NIPAL2: variants seen among roughly 807,000 people sequenced by gnomAD.
NIPAL2 encodes the protein NIPA like domain containing 2.
Under a neutral mutation model 48.9 loss-of-function variants are expected in NIPAL2, and 43 were observed. The ratio of observed to expected loss-of-function variants is 0.88; its 90% CI spans 0.69 to 1.13. The LOEUF is 1.13. NIPAL2 is among the 50% of genes most tolerant of loss of function. The pLI is 0.00. For missense variants in NIPAL2, 446 were observed against 461.4 expected, an observed-to-expected ratio of 0.97 and a Z score of 0.31; for synonymous variants, 167 against 174.6, an observed-to-expected ratio of 0.96 and a Z score of 0.34.
At chr8:98,224,241 C>T (rs1812039241) in intron 4 of NIPAL2, among the ~76,000 whole-genome samples, 1 of 152,186 alleles carries the variant, frequency 6.6e-6, no homozygotes, top group Non-Finnish European at 1.5e-5. Context: ...CCTGGTGGTT[C>T]ACTAGTTTTC....
rs745761979 is a variant in NIPAL2 at position 98,195,970 on chromosome 8, A to G, written c.916T>C (p.Phe306Leu). The change falls in exon 9 of 11, where the codon TTT becomes CTT. Residue 306 changes from phenylalanine (F) to leucine (L), a missense_variant. By Grantham distance (22) the Phe-to-Leu change is conservative (BLOSUM62 0). Transcript: ENST00000430223. ...AAAAGATATATAAATACAGTGAGAA[A>G]AGGAGCACCAAGGAATTCCTGATAA... ...IFYQEFLGAP[F>L]LTVFIYLFGC... 1.9e-6 allele frequency: 3 copies of G among 1,587,836 alleles called. No individual in the cohort carries two copies. The South Asian group carries it at 3.4e-5, about 18-fold the overall frequency.
Position 98,196,069 on chromosome 8 carries a change from T to C in NIPAL2, c.881-64A>G, listed in dbSNP as rs564417603. 636 of 970,528 alleles carry C rather than the reference T, an allele frequency of 6.6e-4. 2 individuals are homozygous for C. The African/African-American group carries it at 8.7e-3, about 13-fold the overall frequency. 60.1% of individuals were successfully genotyped at this position (970,528 alleles called of 1,614,324 possible). Reference sequence around the variant, plus strand: ...TAAGGTTATTTATAATAGCTAAATATTGTTTGTAAAATTATGTTAATATGT... The same window carrying C: ...TAAGGTTATTTATAATAGCTAAATACTGTTTGTAAAATTATGTTAATATGT... On this transcript the variant is annotated intron_variant, in intron 8 of 10. Coordinates refer to ENST00000430223, the MANE Select transcript of NIPAL2 (RefSeq NM_001321635.2).
chr8:98,293,964 G>T, intron 1 of NIPAL2, 39 bp downstream of exon 1: 1 of 1,387,744 alleles, frequency 7.2e-7, no homozygotes, highest in Non-Finnish European at 9.4e-7. Flanking sequence ...CCCTGGCCGC[G>T]TCCCCACCGG....
At chr8:98,202,208 C>T (rs1404720895) in intron 8 of NIPAL2, among the ~76,000 whole-genome samples, 1 of 152,226 alleles carries the variant, frequency 6.6e-6, no homozygotes, top group Non-Finnish European at 1.5e-5. Context: ...GCAGTAGTTT[C>T]TATTCTTGTC....
chr8:98,254,020 T>G lies in NIPAL2; in HGVS notation c.203A>C (p.Gln68Pro). 6.2e-7 allele frequency: 1 copy of G among 1,604,684 alleles called. No individual in the cohort carries two copies. Among genetic ancestry groups the G allele is most frequent in the Non-Finnish European group, 8.5e-7 (1 of 1,173,000 alleles). Residue 68 changes from glutamine to proline, a missense_variant and splice_region_variant, in exon 2 of 11, where the codon CAG becomes CCG. By Grantham distance (76) the Gln-to-Pro change is moderately conservative (BLOSUM62 -1). Transcript: ENST00000430223. The part of the protein sequence containing the change: ...NLVISISLNI[Q>P]KYSHLQLAQQ... ...TAGAAAAATAAGCTTTTTTCTTACC[T>G]GAATATTTAGAGAAATACTGATCAC...
intron 6 of NIPAL2, among the ~76,000 whole-genome samples, chr8:98,209,541 C>T (rs1408960372): frequency 2.0e-5 from 3 of 151,280 alleles, no homozygotes; most frequent in Middle Eastern, 6.4e-3. Flanking sequence ...TCACTTGAGG[C>T]TGGGAGTTTG....
rs1435142175 is a variant in NIPAL2, at chr8:98,192,581, T to C, written c.*397A>G. The C allele has an allele frequency of 6.1e-6, 1 of 164,550 alleles. No individual in the cohort carries two copies. The highest frequency in any genetic ancestry group is 1.3e-5 in the Non-Finnish European group (1 of 76,526). The allele number at this position is 164,550 out of a possible 1,614,324, so 10.2% of individuals were successfully genotyped here. On this transcript the variant is annotated 3_prime_UTR_variant, in exon 11 of 11. Transcript: ENST00000430223. Reference sequence around the variant, plus strand: ...CGCTCTCAAACCTTTCTTTTGGGAGTGAGGTTGTGGGGCTGAAGTGACTTT... The same window carrying C: ...CGCTCTCAAACCTTTCTTTTGGGAGCGAGGTTGTGGGGCTGAAGTGACTTT...
intron 1 of NIPAL2, among the ~76,000 whole-genome samples, chr8:98,287,637 T>C (rs1816253632): frequency 6.6e-6 from 1 of 152,258 alleles, no homozygotes; most frequent in Admixed American, 6.5e-5. Context: ...TATTGGGTAC[T>C]TGCTATGTGT....
intron 1 of NIPAL2, among the ~76,000 whole-genome samples, chr8:98,259,070 C>CTTTTTTTTTTTTT (rs869220202): frequency 4.8e-4 from 20 of 41,854 alleles, no homozygotes; most frequent in African/African-American, 2.2e-3. Context: ...TTAAATATTC[C>CTTTTTTTTTTTTT]TTTTTTTTTT....
intron 8 of NIPAL2, among the ~76,000 whole-genome samples, chr8:98,198,943 TTTTTCTTTTTC>T (rs1281425111): frequency 6.6e-6 from 1 of 151,200 alleles, no homozygotes; most frequent in African/African-American, 2.4e-5. Flanking sequence ...AGTTTTTTTC[TTTTTCTTTTTC>T]TTTTCTTTTT....
intron 1 of NIPAL2, among the ~76,000 whole-genome samples, chr8:98,257,918 G>C (rs1379340920): frequency 6.6e-6 from 1 of 152,172 alleles, no homozygotes; most frequent in Non-Finnish European, 1.5e-5. Flanking sequence ...CACATCTTAT[G>C]TGTATTGATT....
chr8:98,275,041 C>T (rs949634073), intron 1 of NIPAL2, among the ~76,000 whole-genome samples: 2 of 152,058 alleles, frequency 1.3e-5, no homozygotes, highest in Non-Finnish European at 1.5e-5. Context: ...AGGGGGTTCC[C>T]AGGCATATTT....
chr8:98,291,299 C>A lies in NIPAL2; in HGVS notation c.135+2704G>T, dbSNP rs180875101. ...GGAAGGAAAATATTCAGAAAGGCAC[C>A]AGTCCTGGCCATGAGGGCTGCTTCT... is the stretch of plus-strand genomic sequence containing the variant. On this transcript the variant is annotated intron_variant, in intron 1 of 10. Transcript: ENST00000430223. 9.9e-5 allele frequency among the ~76,000 whole-genome samples: 15 copies of A among 152,280 alleles called. No individual in the cohort carries two copies. The East Asian group carries it at 2.7e-3, about 27-fold the overall frequency.
chr8:98,261,459 G>T (rs1814323984), intron 1 of NIPAL2, among the ~76,000 whole-genome samples: 1 of 147,160 alleles, frequency 6.8e-6, no homozygotes, highest in East Asian at 2.0e-4. Flanking sequence ...GAAAAACAAG[G>T]CTCGAGAACT....
chr8:98,281,305 G>A (rs1242676538), intron 1 of NIPAL2, among the ~76,000 whole-genome samples: 1 of 151,992 alleles, frequency 6.6e-6, no homozygotes, highest in Non-Finnish European at 1.5e-5. Flanking sequence ...CCCCCAAGAA[G>A]CTCAGAAGGA....
At chr8:98,276,782 C>CT (rs59806433) in intron 1 of NIPAL2, among the ~76,000 whole-genome samples, 2,054 of 138,514 alleles carry the variant, frequency 0.015, 53 homozygotes, top group African/African-American at 0.051. Context: ...TTTCTTTTTT[C>CT]TTTTTTTTTT....
In NIPAL2 at chr8:98,259,552, T is replaced by C. The variant is rs560781937; in HGVS notation, c.136-5465A>G. 2.6e-4 allele frequency among the ~76,000 whole-genome samples: 40 copies of C among 152,354 alleles called. 1 individual carries two copies. Among genetic ancestry groups the C allele is most frequent in the African/African-American group, 9.6e-4 (40 of 41,582 alleles). ...TTACTCCTCCCTATATCCGTGCCCT[T>C]GGCCAGGTAGTCTTGTACCTCCACC... On this transcript the variant is annotated intron_variant, in intron 1 of 10. Coordinates refer to ENST00000430223, the MANE Select transcript of NIPAL2 (RefSeq NM_001321635.2).
chr8:98,216,874 A>T (rs922365123), intron 5 of NIPAL2, among the ~76,000 whole-genome samples: 2 of 152,260 alleles, frequency 1.3e-5, no homozygotes, highest in Admixed American at 6.5e-5. Flanking sequence ...GGTATTACTC[A>T]ACAAAAGGTC....
At chr8:98,197,687 AC>A (rs1478877537) in intron 8 of NIPAL2, among the ~76,000 whole-genome samples, 1 of 152,222 alleles carries the variant, frequency 6.6e-6, no homozygotes, top group Non-Finnish European at 1.5e-5. Context: ...TAGCATCTTC[AC>A]CAAGAGTAGT....
Sources: allele counts gnomAD v4.1 joint callset (sites outside exome capture counted in the v4.1 genomes callset), GRCh38; gene constraint gnomAD v4.1.1; transcripts MANE v1.5; gene names NCBI Gene and HGNC (gene_info 2026-07-23, HGNC 2026-07-21).